The following MYH15 variants were observed in gnomAD, a reference collection of about 807,000 sequenced individuals.
The protein encoded by MYH15 is myosin-15.
MYH15 carries 227 observed loss-of-function variants against 240.5 expected under a neutral mutation model. That is an observed-to-expected ratio of 0.94 (90% CI 0.85 to 1.05). The LOEUF (loss-of-function observed/expected upper bound fraction) is 1.05, where lower values mean the gene tolerates loss of function less well. Among genes scored for constraint, MYH15 ranks in the 50% least tolerant of loss-of-function variants. MYH15 has a pLI of 0.00. For missense variants in MYH15, 2,217 were observed against 2,247.5 expected (o/e 0.99, Z 0.27); for synonymous variants, 785 against 796.7 (o/e 0.99, Z 0.25).
chr3:108,507,274 T>TACAC (rs1428486084), intron 1 of MYH15, among the ~76,000 whole-genome samples: 4 of 97,360 alleles, frequency 4.1e-5, no homozygotes, highest in African/African-American at 7.7e-5. Flanking sequence ...TATATATATA[T>TACAC]ATACACATAT....
At chr3:108,503,146 A>C (rs989301185) in intron 2 of MYH15, among the ~76,000 whole-genome samples, 12 of 142,436 alleles carry the variant, frequency 8.4e-5, no homozygotes, top group South Asian at 6.4e-4. Flanking sequence ...TCATTACATC[A>C]AAGAAGGACA....
At chr3:108,543,263 TTTGAG>T in the MYH15 span, 5 of 152,224 alleles carry the variant, frequency 3.3e-5, no homozygotes, top group Non-Finnish European at 7.3e-5. Context: ...TTGATGAGCA[TTTGAG>T]TTGATTCCAT....
At chr3:108,429,730 A>C (rs2107560984) in intron 26 of MYH15, among the ~76,000 whole-genome samples, 1 of 152,330 alleles carries the variant, frequency 6.6e-6, no homozygotes, top group Non-Finnish European at 1.5e-5. Flanking sequence ...AAATAAGACT[A>C]CTGTGGCTTA....
chr3:108,447,589 A>G (rs1431105980), intron 21 of MYH15, among the ~76,000 whole-genome samples: 2 of 152,000 alleles, frequency 1.3e-5, no homozygotes, highest in East Asian at 1.9e-4. Context: ...AGAAAAAAAA[A>G]AAACTAAAAA....
chr3:108,389,007 C>A lies in MYH15; in HGVS notation c.5498G>T (p.Arg1833Leu), dbSNP rs201084859. Reference protein sequence around the residue: ...RRSAEAQRGARRLERCIKELT... With the variant: ...RRSAEAQRGALRLERCIKELT... ...CTCTTTGATGCATCGCTCAAGTCTG[C>A]GGGCTCCCCTCTGGGCCTCTGCACT... is the stretch of plus-strand genomic sequence containing the variant. The change falls in exon 38 of 41, where the codon CGC becomes CTC. Residue 1833 changes from arginine (R) to leucine (L), a missense_variant. Coordinates refer to ENST00000693548, the MANE Select transcript of MYH15 (RefSeq NM_014981.3). 3.1e-6 allele frequency: 5 copies of A among 1,613,540 alleles called. No homozygotes were observed. In the African/African-American group the frequency reaches 6.7e-5, roughly 22 times the overall value.
At chr3:108,404,332 A>G (rs1056323362) in intron 33 of MYH15, among the ~76,000 whole-genome samples, 4 of 152,184 alleles carry the variant, frequency 2.6e-5, no homozygotes, top group African/African-American at 9.7e-5. Flanking sequence ...TTTTTCTTAA[A>G]AAAAGACTGT....
At chr3:108,460,442 A>G (rs1468059006) in intron 16 of MYH15, 75 bp from the exon 17 acceptor site, 1 of 1,155,406 alleles carries the variant, frequency 8.7e-7, no homozygotes, top group Admixed American at 2.7e-5. Context: ...TACCCCACTG[A>G]TGGAAGCATA....
chr3:108,444,524 T>C, intron 22 of MYH15, 116 bp downstream of exon 22: 1 of 1,189,778 alleles, frequency 8.4e-7, no homozygotes, highest in Non-Finnish European at 1.2e-6. Context: ...TATAAAATCC[T>C]TTGGTATTTG....
chr3:108,413,631 G>A (rs1012786983), intron 30 of MYH15, among the ~76,000 whole-genome samples: 2 of 152,140 alleles, frequency 1.3e-5, no homozygotes, highest in Non-Finnish European at 2.9e-5. Context: ...CCCCAAACTT[G>A]TGTAACTCCT....
At chr3:108,489,476 T>G (rs2083330420) in intron 9 of MYH15, among the ~76,000 whole-genome samples, 1 of 152,188 alleles carries the variant, frequency 6.6e-6, no homozygotes, top group African/African-American at 2.4e-5. Flanking sequence ...GAATGAGCCC[T>G]GTCCAAAAGA....
chr3:108,523,976 C>G (rs139958821), intron 1 of MYH15, among the ~76,000 whole-genome samples: 48 of 151,972 alleles, frequency 3.2e-4, no homozygotes, highest in African/African-American at 1.1e-3. Flanking sequence ...ATTGACATTT[C>G]CAGAGGTTTT....
intron 3 of MYH15, among the ~76,000 whole-genome samples, chr3:108,500,678 A>AC (rs1241097525): frequency 2.6e-5 from 4 of 152,224 alleles, no homozygotes; most frequent in Non-Finnish European, 4.4e-5. Flanking sequence ...TCACTCAGTC[A>AC]CTGAAGGGGT....
intron 2 of MYH15, among the ~76,000 whole-genome samples, chr3:108,505,135 A>G (rs145269089): frequency 1.7e-4 from 26 of 152,330 alleles, no homozygotes; most frequent in African/African-American, 6.3e-4. Context: ...TTTTTTAAAA[A>G]TACTGACTTG....
At position 108,501,844 on chromosome 3, in the gene MYH15, T is replaced by C. The variant is rs2083441137; in HGVS notation, c.207A>G (p.Ile69Met). The change falls in exon 3 of 41, where the codon ATA becomes ATG. Residue 69 changes from isoleucine (I) to methionine (M), a missense_variant. Physicochemically the swap from Ile to Met is conservative, Grantham distance 10. Coordinates refer to ENST00000693548, the MANE Select transcript of MYH15 (RefSeq NM_014981.3). Reference protein sequence around the residue: ...VETADGESLSIKEDKIQQMNP... With the variant: ...VETADGESLSMKEDKIQQMNP... The stretch of plus-strand genomic sequence containing the variant: ...TCATCTGCTGGATTTTGTCCTCCTT[T>C]ATGCTCAGACTCTGCAGAGAGAAGA... 2 of 1,613,896 alleles carry C rather than the reference T, an allele frequency of 1.2e-6. No homozygotes were observed. The highest frequency in any genetic ancestry group is 2.7e-5 in the African/African-American group (2 of 74,912).
At chr3:108,426,862 G>C (rs569640305) in intron 27 of MYH15, among the ~76,000 whole-genome samples, 2 of 152,228 alleles carry the variant, frequency 1.3e-5, no homozygotes, top group Non-Finnish European at 2.9e-5. Context: ...CTCCACCCCA[G>C]TATGTCCAGA....
At chr3:108,460,826 T>G (rs1478202306) in intron 16 of MYH15, among the ~76,000 whole-genome samples, 1 of 152,146 alleles carries the variant, frequency 6.6e-6, no homozygotes, top group Non-Finnish European at 1.5e-5. Flanking sequence ...GTATACATGT[T>G]TTTTTAAGTG....
chr3:108,450,964 G>A (rs143224595), intron 21 of MYH15, among the ~76,000 whole-genome samples: 1 of 151,954 alleles, frequency 6.6e-6, no homozygotes, highest in Non-Finnish European at 1.5e-5. Context: ...ATAAAGATGT[G>A]GCATGAATGT....
chr3:108,430,591 C>T (rs569045038), intron 26 of MYH15, among the ~76,000 whole-genome samples: 1 of 152,240 alleles, frequency 6.6e-6, no homozygotes, highest in South Asian at 2.1e-4. Flanking sequence ...TAGCACAATG[C>T]CTGGTTCACA....
intron 9 of MYH15, among the ~76,000 whole-genome samples, chr3:108,490,749 C>A (rs1387208477): frequency 6.6e-6 from 1 of 152,176 alleles, no homozygotes. Context: ...GTTGTCTTTT[C>A]AGAGAAATTC....
Sources: allele counts gnomAD v4.1 joint callset (sites outside exome capture counted in the v4.1 genomes callset), GRCh38; gene constraint gnomAD v4.1.1; transcripts MANE v1.5; gene names NCBI Gene and HGNC (gene_info 2026-07-23, HGNC 2026-07-21).